SLC35F6: variants seen among roughly 807,000 people sequenced by gnomAD.
The protein encoded by SLC35F6 is solute carrier family 35 member F6.
In SLC35F6, 26 loss-of-function variants were observed where a neutral mutation model predicts 29.4. The observed-to-expected ratio is 0.89, with a 90% CI of 0.65 to 1.23. The LOEUF is 1.23. Among genes scored for constraint, SLC35F6 ranks in the 50% most tolerant of loss-of-function variants. The pLI is 0.00. For synonymous variants in SLC35F6, 174 were observed against 206.6 expected, an observed-to-expected ratio of 0.84 and a Z score of 1.35; for missense variants, 428 against 487.8, an observed-to-expected ratio of 0.88 and a Z score of 1.15.
intron 1 of SLC35F6, 100 bp from the exon 2 acceptor site, chr2:26,774,151 C>T: frequency 7.0e-7 from 1 of 1,421,076 alleles, no homozygotes; most frequent in Non-Finnish European, 9.7e-7. Flanking sequence ...GGGGCCGGGT[C>T]ACCCAGGTCT....
rs370078739 is a variant in SLC35F6, at chr2:26,774,384, G to A, written c.150+61G>A. 2.0e-4 allele frequency: 319 copies of A among 1,582,090 alleles called. No homozygotes were observed. In the African/African-American group the frequency reaches 3.4e-3, roughly 17 times the overall value. ...GGGCCTCAGACCAGGCGCCACCCCCGGCCATGAGGCCAGGCTGTTTCCTGA... is the reference window on the plus strand; with the variant it reads ...GGGCCTCAGACCAGGCGCCACCCCCAGCCATGAGGCCAGGCTGTTTCCTGA... On this transcript the variant is annotated intron_variant, in intron 2 of 5. Coordinates refer to ENST00000344420, the MANE Select transcript of SLC35F6 (RefSeq NM_017877.4).
chr2:26,778,247 C>G lies in SLC35F6; in HGVS notation c.852C>G (p.Thr284=), dbSNP rs930732057. ...TCAACTTCGCAGGCATCAGCGTCAC[C>G]AAGGAACTGAGCGCCACCACCCGCA... ...AFFNFAGISV[T]KELSATTRMV... Residue 284 remains threonine, a synonymous_variant, in exon 6 of 6, where the codon ACC becomes ACG. Coordinates refer to ENST00000344420, the MANE Select transcript of SLC35F6 (RefSeq NM_017877.4). 2 of 1,614,088 alleles carry G rather than the reference C, an allele frequency of 1.2e-6. No individual in the cohort carries two copies. The highest frequency in any genetic ancestry group is 2.7e-5 in the African/African-American group (2 of 74,936).
chr2:26,765,242 C>G (rs1664076251), intron 1 of SLC35F6, among the ~76,000 whole-genome samples: 1 of 152,222 alleles, frequency 6.6e-6, no homozygotes, highest in Admixed American at 6.5e-5. Flanking sequence ...AAACAAGGAT[C>G]ACTCCAGGGT....
chr2:26,775,583 A>G lies in SLC35F6; in HGVS notation c.442A>G (p.Ile148Val). 6.2e-7 allele frequency: 1 copy of G among 1,608,720 alleles called. No homozygotes were observed. The highest frequency in any genetic ancestry group is 8.5e-7 in the Non-Finnish European group (1 of 1,179,510). The change falls in exon 4 of 6, where the codon ATC becomes GTC. Residue 148 changes from isoleucine (I) to valine (V), a missense_variant. Physicochemically the swap from Ile to Val is conservative, Grantham distance 29 (BLOSUM62 3). Transcript: ENST00000344420. This position sits in a 1 kb window ranked among gnomAD's most constrained non-coding sequence, Gnocchi z 4.6. ...GCTGGTGCTGAGCCAGTGGCTGGGC[A>G]TCCTAGCCACCATCGCGGGGCTGGT... Reference protein sequence around the residue: ...RRLVLSQWLGILATIAGLVVV... With the variant: ...RRLVLSQWLGVLATIAGLVVV...
intron 1 of SLC35F6, chr2:26,764,913 T>G (rs1664070249): frequency 2.0e-6 from 2 of 985,204 alleles, no homozygotes; most frequent in African/African-American, 1.7e-5. Context: ...TAGGTGGGAT[T>G]TCGGAATGTG....
intron 1 of SLC35F6, among the ~76,000 whole-genome samples, 182 bp downstream of exon 1, chr2:26,764,608 C>T (rs756456128): frequency 6.6e-6 from 1 of 152,222 alleles, no homozygotes; most frequent in Non-Finnish European, 1.5e-5. Flanking sequence ...GGGGCTGCGC[C>T]CCGGACGGGG....
intron 1 of SLC35F6, among the ~76,000 whole-genome samples, 192 bp downstream of exon 1, chr2:26,764,618 G>A (rs1389889011): frequency 6.6e-6 from 1 of 152,244 alleles, no homozygotes; most frequent in Non-Finnish European, 1.5e-5. Context: ...CCCGGACGGG[G>A]GGATCCGAGC....
chr2:26,775,623 C>T lies in SLC35F6; in HGVS notation c.482C>T (p.Ala161Val). Residue 161 changes from alanine (A) to valine (V), a missense_variant, in exon 4 of 6, where the codon GCT becomes GTT. By Grantham distance (64) the Ala-to-Val change is moderately conservative. Transcript: ENST00000344420. This position sits in a 1 kb window ranked among gnomAD's most constrained non-coding sequence, Gnocchi z 4.6. ...GCGGGGCTGGTGGTCGTGGGCCTGG[C>T]TGACCTCCTGAGCAAGCACGACAGT... ...TIAGLVVVGL[A>V]DLLSKHDSQH... 1.2e-6 allele frequency: 2 copies of T among 1,603,406 alleles called. No individual in the cohort carries two copies. The highest frequency in any genetic ancestry group is 1.7e-6 in the Non-Finnish European group (2 of 1,177,472).
At position 26,775,714 on chromosome 2, in the gene SLC35F6, TG is replaced by T; in HGVS notation, c.535+39del. 6.6e-7 allele frequency: 1 copy of T among 1,515,800 alleles called. No homozygotes were observed. Among genetic ancestry groups the T allele is most frequent in the Non-Finnish European group, 8.8e-7 (1 of 1,132,934 alleles). The allele number at this position is 1,515,800 out of a possible 1,614,324, so 93.9% of individuals were successfully genotyped here. On this transcript the variant is annotated intron_variant, in intron 4 of 5. Coordinates refer to ENST00000344420, the MANE Select transcript of SLC35F6 (RefSeq NM_017877.4). The surrounding 1 kb of genome is among the most constrained non-coding windows in gnomAD (Gnocchi z 4.6). Reference sequence around the variant, plus strand: ...GCAGGGACACGGGGCTGCCCTATCCTGCCCTGTCCTCCTTGGGAGCCCAGCA... The same window carrying T: ...GCAGGGACACGGGGCTGCCCTATCCTCCCTGTCCTCCTTGGGAGCCCAGCA...
chr2:26,775,870 C>T lies in SLC35F6; in HGVS notation c.535+194C>T, dbSNP rs1055931258. ...GCTCCACCAAGGATGAGTGGCAGGC[C>T]GGGCAGGGCGAGGGGCTGGCTTGTC... On this transcript the variant is annotated intron_variant, in intron 4 of 5. Transcript: ENST00000344420. This position sits in a 1 kb window ranked among gnomAD's most constrained non-coding sequence, Gnocchi z 4.6. 2.0e-5 allele frequency among the ~76,000 whole-genome samples: 3 copies of T among 152,102 alleles called. No homozygotes were observed. Among genetic ancestry groups the T allele is most frequent in the African/African-American group, 4.8e-5 (2 of 41,412 alleles).
intron 5 of SLC35F6, among the ~76,000 whole-genome samples, chr2:26,777,472 G>A (rs779636556): frequency 1.3e-5 from 2 of 152,204 alleles, no homozygotes; most frequent in Non-Finnish European, 2.9e-5. Context: ...AAGGGACTTA[G>A]GCAGAATGTG....
At chr2:26,767,399 T>C (rs537958117) in intron 1 of SLC35F6, among the ~76,000 whole-genome samples, 35 of 152,312 alleles carry the variant, frequency 2.3e-4, no homozygotes, top group African/African-American at 7.9e-4. Flanking sequence ...ACAAGAGTGA[T>C]GTTTCCCTTC....
rs1442424011 is a variant in SLC35F6 at position 26,774,320 on chromosome 2, C to G, written c.147C>G (p.Leu49=). The G allele has an allele frequency of 1.9e-6, 3 of 1,614,022 alleles. No individual in the cohort carries two copies. The highest frequency in any genetic ancestry group is 2.5e-6 in the Non-Finnish European group (3 of 1,179,920). Residue 49 remains leucine (L), a synonymous_variant, in exon 2 of 6, where the codon CTC becomes CTG. Coordinates refer to ENST00000344420, the MANE Select transcript of SLC35F6 (RefSeq NM_017877.4). The part of the protein sequence containing the change: ...SKEHSFQHPF[L]QAVGMFLGEF... ...AGCACAGCTTCCAGCATCCCTTCCT[C>G]CAGGTATCTGGCCCTGTCCCTCCTA...
At chr2:26,777,393 C>T (rs985006622) in intron 5 of SLC35F6, among the ~76,000 whole-genome samples, 9 of 152,178 alleles carry the variant, frequency 5.9e-5, no homozygotes, top group Non-Finnish European at 1.3e-4. Flanking sequence ...GATACAGCTG[C>T]GCTTTCAAAG....
chr2:26,778,739 G>A lies in SLC35F6; in HGVS notation c.*228G>A. The A allele has an allele frequency of 3.7e-6, 2 of 544,818 alleles. No homozygotes were observed. Among genetic ancestry groups the A allele is most frequent in the East Asian group, 2.8e-5 (1 of 35,292 alleles). 33.7% of individuals were successfully genotyped at this position (544,818 alleles called of 1,614,324 possible). On this transcript the variant is annotated 3_prime_UTR_variant, in exon 6 of 6. Coordinates refer to ENST00000344420, the MANE Select transcript of SLC35F6 (RefSeq NM_017877.4). The stretch of plus-strand genomic sequence containing the variant: ...CAGCCCCCACAAGCCTGAGTGCAGT[G>A]GCAGACCTCAGCTCTCTGGACCCCT...
intron 1 of SLC35F6, among the ~76,000 whole-genome samples, chr2:26,765,626 G>A (rs564585291): frequency 3.3e-5 from 5 of 152,248 alleles, no homozygotes; most frequent in Admixed American, 6.5e-5. Context: ...GGAGACAGAC[G>A]TGTACGCACA....
chr2:26,776,305 G>A, intron 4 of SLC35F6, 67 bp from the exon 5 acceptor site: 1 of 1,462,296 alleles, frequency 6.8e-7, no homozygotes. Context: ...GGTCGCTGTG[G>A]CCATGCTCTC....
chr2:26,771,644 A>G (rs1295470804), intron 1 of SLC35F6, among the ~76,000 whole-genome samples: 1 of 152,196 alleles, frequency 6.6e-6, no homozygotes, highest in Non-Finnish European at 1.5e-5. Flanking sequence ...TGTCCTGGCC[A>G]GGGATCCAAG....
In SLC35F6 at chr2:26,774,568, G is replaced by A. The variant is rs548950757; in HGVS notation, c.150+245G>A. On this transcript the variant is annotated intron_variant, in intron 2 of 5. Transcript: ENST00000344420. The stretch of plus-strand genomic sequence containing the variant: ...CCTCACCACATCCAAGTCAGGACAC[G>A]TGGAAAACATCAGCCCTAGTGACAA... 3.9e-5 allele frequency among the ~76,000 whole-genome samples: 6 copies of A among 152,364 alleles called. No homozygotes were observed. The East Asian group carries it at 5.8e-4, about 15-fold the overall frequency.
Sources: gnomAD v4.1 joint callset for allele counts (sites outside exome capture counted in the v4.1 genomes callset) on GRCh38, gnomAD v4.1.1 for gene constraint, Gnocchi (gnomAD v3.1) non-coding constraint, MANE v1.5 for transcripts, NCBI Gene and HGNC (gene_info 2026-07-23, HGNC 2026-07-21) for gene names.